The following EPB41L1 variants were observed in gnomAD, a reference collection of about 807,000 sequenced individuals.
EPB41L1 encodes band 4.1-like protein 1.
A neutral mutation model predicts 97.8 loss-of-function variants in EPB41L1; 29 were observed. That is an observed-to-expected ratio of 0.30 (90% CI 0.22 to 0.40). The LOEUF is 0.40. Ranked by LOEUF, EPB41L1 falls within the 10% of genes least tolerant of loss-of-function variation. EPB41L1 has a pLI of 1.00. For missense variants in EPB41L1, 812 were observed against 1,162.3 expected (o/e 0.70, Z 4.38); for synonymous variants, 383 against 459.2 (o/e 0.83, Z 2.12).
At position 36,229,332 on chromosome 20, in the gene EPB41L1, G is replaced by C. The variant is rs912359730; in HGVS notation, c.2638G>C (p.Glu880Gln). The C allele has an allele frequency of 6.2e-7, 1 of 1,610,214 alleles. No individual in the cohort carries two copies. Among genetic ancestry groups the C allele is most frequent in the African/African-American group, 1.4e-5 (1 of 73,820 alleles). ...SPEERDKKPQES is the reference protein window; with the variant it reads ...SPEERDKKPQQS ...TCTACCCCATGCCTCTGGCTTCCAG[G>C]AATCCTGACCTCTGTGAAGAGATCC... Residue 880 changes from glutamate (E) to glutamine (Q), a missense_variant and splice_region_variant, in exon 22 of 22, where the codon GAA becomes CAA. Physicochemically the swap from Glu to Gln is conservative, Grantham distance 29 (BLOSUM62 2). Around this residue, in one of 3 missense-constraint regions of EPB41L1, gnomAD observed 498 missense variants for 622.7 expected, o/e 0.80. Coordinates refer to ENST00000338074, the MANE Select transcript of EPB41L1 (RefSeq NM_012156.2).
chr20:36,174,508 G>T (rs6121175), intron 2 of EPB41L1, among the ~76,000 whole-genome samples: 1 of 152,018 alleles, frequency 6.6e-6, no homozygotes, highest in African/African-American at 2.4e-5. Flanking sequence ...CCTGAGCTCA[G>T]GTGATCCACC....
chr20:36,109,212 G>A lies in EPB41L1; in HGVS notation c.-64-3214G>A, dbSNP rs2058307073. Among the ~76,000 whole-genome samples, 5 of 152,196 alleles carry A rather than the reference G, an allele frequency of 3.3e-5. No individual in the cohort carries two copies. The South Asian group carries it at 6.2e-4, about 19-fold the overall frequency. ...TCCGCCTGCCTCGGCCTCCCAAAGT[G>A]CTGGGATTACAGGTGTGAGCCACTG... is the stretch of plus-strand genomic sequence containing the variant. On this transcript the variant is annotated intron_variant, in intron 1 of 19. Transcript: ENST00000202028.
chr20:36,188,564 G>A, intron 9 of EPB41L1, 65 bp downstream of exon 9: 1 of 1,364,226 alleles, frequency 7.3e-7, no homozygotes. Flanking sequence ...GACCCTGGCA[G>A]CTGGGCCTGG....
At chr20:36,111,950 C>A (rs1240861545) in intron 1 of EPB41L1, among the ~76,000 whole-genome samples, 2 of 152,060 alleles carry the variant, frequency 1.3e-5, no homozygotes, top group African/African-American at 2.4e-5. Flanking sequence ...GGCCCCTGCT[C>A]TCCCTTCTCC....
intron 1 of EPB41L1, among the ~76,000 whole-genome samples, chr20:36,164,139 C>T (rs954244795): frequency 2.6e-5 from 4 of 152,134 alleles, no homozygotes; most frequent in African/African-American, 4.8e-5. Context: ...CCACTGTGCC[C>T]GGCCCCTGCC....
Position 36,121,402 on chromosome 20 carries a change from G to T in EPB41L1, c.-10+8922G>T, listed in dbSNP as rs184249680. Among the ~76,000 whole-genome samples, 687 of 152,258 alleles carry T rather than the reference G, an allele frequency of 4.5e-3. 9 individuals are homozygous for T. The highest frequency in any genetic ancestry group is 0.016 in the African/African-American group (656 of 41,562). On this transcript the variant is annotated intron_variant, in intron 2 of 19. Transcript: ENST00000202028. ...TGGAAAAATACCTCTGTTGGGGGAG[G>T]TAGCATGTGCTGGGAGCCCATGTGC... is the stretch of plus-strand genomic sequence containing the variant.
At position 36,191,000 on chromosome 20, in the gene EPB41L1, G is replaced by C. The variant is rs776597101; in HGVS notation, c.1300+203G>C. On this transcript the variant is annotated intron_variant, in intron 11 of 21. Coordinates refer to ENST00000338074, the MANE Select transcript of EPB41L1 (RefSeq NM_012156.2). The surrounding 1 kb of genome is among the most constrained non-coding windows in gnomAD (Gnocchi z 5.8). ...CAACCTAGAGCTCACTCCCACTTGA[G>C]ATGTGATACTACCACTCTCTGGATT... is the stretch of plus-strand genomic sequence containing the variant. Among the ~76,000 whole-genome samples the C allele has an allele frequency of 2.0e-5, 3 of 152,180 alleles. No homozygotes were observed. The highest frequency in any genetic ancestry group is 4.4e-5 in the Non-Finnish European group (3 of 68,026).
intron 21 of EPB41L1, among the ~76,000 whole-genome samples, chr20:36,226,774 A>G (rs113651538): frequency 0.017 from 2,548 of 152,208 alleles, 65 homozygotes; most frequent in African/African-American, 0.056. Flanking sequence ...AAATCATAAC[A>G]CTGTATTGTT....
intron 7 of EPB41L1, among the ~76,000 whole-genome samples, chr20:36,186,234 G>A (rs1223917465): frequency 6.6e-6 from 1 of 152,154 alleles, no homozygotes; most frequent in Admixed American, 6.5e-5. Context: ...GATTTGTAGG[G>A]TCCTTTTAAG....
intron 2 of EPB41L1, among the ~76,000 whole-genome samples, chr20:36,137,749 C>A (rs944976158): frequency 2.0e-5 from 3 of 152,152 alleles, no homozygotes; most frequent in Admixed American, 6.5e-5. Context: ...GTCACAAACT[C>A]CTGACCTCAG....
intron 1 of EPB41L1, among the ~76,000 whole-genome samples, chr20:36,158,200 C>A (rs979405925): frequency 3.3e-5 from 5 of 152,150 alleles, no homozygotes; most frequent in African/African-American, 1.2e-4. Context: ...GAAGGCCATG[C>A]CAGGCAGCCT....
intron 2 of EPB41L1, among the ~76,000 whole-genome samples, chr20:36,114,110 C>T (rs2058510175): frequency 6.6e-6 from 1 of 152,176 alleles, no homozygotes; most frequent in African/African-American, 2.4e-5. Flanking sequence ...CTCATGACTT[C>T]CCCTTTCTGA....
At chr20:36,119,911 C>T (rs2147661604) in intron 2 of EPB41L1, among the ~76,000 whole-genome samples, 1 of 152,274 alleles carries the variant, frequency 6.6e-6, no homozygotes, top group Non-Finnish European at 1.5e-5. Context: ...CCGCCCTCCT[C>T]CTCTGTACCC....
chr20:36,145,240 A>C (rs1235045194), intron 2 of EPB41L1, among the ~76,000 whole-genome samples: 1 of 151,888 alleles, frequency 6.6e-6, no homozygotes, highest in African/African-American at 2.4e-5. Context: ...AATACAAAAA[A>C]ATTAGCCGGT....
At chr20:36,129,321 G>C (rs1327012582) in intron 2 of EPB41L1, among the ~76,000 whole-genome samples, 1 of 152,122 alleles carries the variant, frequency 6.6e-6, no homozygotes, top group South Asian at 2.1e-4. Flanking sequence ...ACTGCGGGGT[G>C]AATGGCCACG....
intron 14 of EPB41L1, among the ~76,000 whole-genome samples, chr20:36,198,412 C>T (rs2062323939): frequency 6.6e-6 from 1 of 152,236 alleles, no homozygotes; most frequent in Non-Finnish European, 1.5e-5. Context: ...TGGACAAGTG[C>T]TGCAGAGGCT....
In EPB41L1 at chr20:36,195,499, C is replaced by G; in HGVS notation, c.1485+135C>G. The G allele has an allele frequency of 9.5e-7, 1 of 1,055,402 alleles. No homozygotes were observed. The highest frequency in any genetic ancestry group is 1.4e-6 in the Non-Finnish European group (1 of 696,426). 65.4% of individuals were successfully genotyped at this position (1,055,402 alleles called of 1,614,324 possible). The stretch of plus-strand genomic sequence containing the variant: ...AACTTCATCTCTGCTCCCCAGCCAT[C>G]CCCCTCTGCAGCCGTCCTTGCTCCC... On this transcript the variant is annotated intron_variant, in intron 13 of 21. Coordinates refer to ENST00000338074, the MANE Select transcript of EPB41L1 (RefSeq NM_012156.2). This position sits in a 1 kb window ranked among gnomAD's most constrained non-coding sequence, Gnocchi z 4.6.
At chr20:36,154,553 G>C (rs2060198704), upstream of EPB41L1, among the ~76,000 whole-genome samples, 1 of 150,480 alleles carries the variant, frequency 6.6e-6, no homozygotes, top group African/African-American at 2.4e-5. The surrounding 1 kb of genome is among the most constrained non-coding windows in gnomAD (Gnocchi z 5.5). Flanking sequence ...GCAGAGAGGA[G>C]GCGGAGGCAG....
chr20:36,218,222 C>T (rs2063554678), intron 17 of EPB41L1, among the ~76,000 whole-genome samples: 2 of 152,148 alleles, frequency 1.3e-5, no homozygotes, highest in Non-Finnish European at 2.9e-5. Context: ...TTCTCTTGCC[C>T]TCCAGTTTCT....
Sources: allele counts gnomAD v4.1 joint callset (sites outside exome capture counted in the v4.1 genomes callset), GRCh38; gene constraint gnomAD v4.1.1; regional missense constraint gnomAD v4.1.1; non-coding constraint Gnocchi (gnomAD v3.1); transcripts MANE v1.5; gene names NCBI Gene and HGNC (gene_info 2026-07-23, HGNC 2026-07-21).